The following FCGR3A variants were observed in gnomAD, a reference collection of about 807,000 sequenced individuals.
The protein encoded by FCGR3A is Fc gamma receptor IIIa, also known as low affinity immunoglobulin gamma Fc region receptor III-A.
A neutral mutation model predicts 24.1 loss-of-function variants in FCGR3A; 13 were observed. The observed-to-expected ratio is 0.54, with a 90% CI of 0.35 to 0.86. The LOEUF (loss-of-function observed/expected upper bound fraction) is 0.86, where lower values mean the gene tolerates loss of function less well. FCGR3A is among the 40% of genes least tolerant of loss of function. The pLI is 0.01. For missense variants in FCGR3A, 235 were observed against 298.0 expected (o/e 0.79, Z 1.56); for synonymous variants, 93 against 112.2 (o/e 0.83, Z 1.08).
At position 161,541,933 on chromosome 1, in the gene FCGR3A, A is replaced by T. The variant is rs1213957675; in HGVS notation, c.*1079T>A. ...CAATTGTCTTCTCCATCCCCACCTC[A>T]TTGGAACTGACATGATGAAGGATTT... On this transcript the variant is annotated 3_prime_UTR_variant, in exon 5 of 5. Transcript: ENST00000443193. 1 of 152,206 alleles carries T rather than the reference A, an allele frequency of 6.6e-6. No homozygotes were observed. The highest frequency in any genetic ancestry group is 1.9e-4 in the East Asian group (1 of 5,336). 9.4% of individuals were successfully genotyped at this position (152,206 alleles called of 1,614,324 possible).
chr1:161,544,984 C>G, intron 3 of FCGR3A, 26 bp from the exon 4 acceptor site: 1 of 1,596,468 alleles, frequency 6.3e-7, no homozygotes, highest in Non-Finnish European at 8.6e-7. Flanking sequence ...ACCCCAGGCC[C>G]GGGAGGCCTC....
chr1:161,549,568 A>G (rs1440980595), intron 1 of FCGR3A, 129 bp downstream of exon 1: 1 of 1,476,580 alleles, frequency 6.8e-7, no homozygotes, highest in African/African-American at 1.4e-5. Context: ...TAGGAGCTCA[A>G]TCCACAGCTA....
rs371773367 is a variant in FCGR3A at position 161,549,705 on chromosome 1, A to G, written c.32T>C (p.Leu11Pro). 2.5e-6 allele frequency: 4 copies of G among 1,613,768 alleles called. No homozygotes were observed. The African/African-American group carries it at 4.0e-5, about 16-fold the overall frequency. Residue 11 changes from leucine to proline, a missense_variant, in exon 1 of 5, where the codon CTA becomes CCA. Coordinates refer to ENST00000443193, the MANE Select transcript of FCGR3A (RefSeq NM_000569.8). MWQLLLPTAL[L>P]LLVSAGMRTE... ...GGGAGACCCTGACTTACCTAGAAGT[A>G]GCAGAGCAGTTGGGAGGAGCAGCTG...
chr1:161,548,275 A>G, intron 3 of FCGR3A, 146 bp downstream of exon 3: 6 of 1,425,104 alleles, frequency 4.2e-6, no homozygotes, highest in Non-Finnish European at 5.8e-6. Context: ...CTAGGACTAC[A>G]ACTCTGATAC....
chr1:161,549,964 G>T, upstream of FCGR3A: 1 of 1,183,504 alleles, frequency 8.4e-7, no homozygotes, highest in Non-Finnish European at 1.2e-6. Flanking sequence ...GGCAAGGTGG[G>T]TGGGTCTGCC....
In FCGR3A at chr1:161,544,867, A is replaced by C. The variant is rs1677312963; in HGVS notation, c.411T>G (p.His137Gln). Reference protein sequence around the residue: ...RCHSWKNTALHKVTYLQNGKG... With the variant: ...RCHSWKNTALQKVTYLQNGKG... ...TGCCATTCTGTAAATATGTGACCTT[A>C]TGCAGAGCAGTGTTCTTCCAGCTGT... The change falls in exon 4 of 5, where the codon CAT becomes CAG. Residue 137 changes from histidine (H) to glutamine (Q), a missense_variant. By Grantham distance (24) the His-to-Gln change is conservative. Transcript: ENST00000443193. 1 of 1,613,854 alleles carries C rather than the reference A, an allele frequency of 6.2e-7. No homozygotes were observed. The highest frequency in any genetic ancestry group is 8.5e-7 in the Non-Finnish European group (1 of 1,179,872).
In FCGR3A at chr1:161,542,833, A is replaced by G; in HGVS notation, c.*179T>C. On this transcript the variant is annotated 3_prime_UTR_variant, in exon 5 of 5. Coordinates refer to ENST00000443193, the MANE Select transcript of FCGR3A (RefSeq NM_000569.8). ...ACTGGGGCTTCCCTGCTTGAAGATC[A>G]TGGGCTTTTCCCTTCCACTGGAGAC... 1.9e-6 allele frequency: 1 copy of G among 529,988 alleles called. No individual in the cohort carries two copies. Among genetic ancestry groups the G allele is most frequent in the Non-Finnish European group, 3.4e-6 (1 of 295,868 alleles). The allele number at this position is 529,988 out of a possible 1,614,324, so 32.8% of individuals were successfully genotyped here. A position where few individuals can be genotyped will look rare whatever the true frequency, so the allele number is the denominator to read the frequency against.
At chr1:161,549,623 T>C in intron 1 of FCGR3A, 74 bp downstream of exon 1, 2 of 1,592,516 alleles carry the variant, frequency 1.3e-6, no homozygotes, top group South Asian at 1.1e-5. Flanking sequence ...GTCTCATTCG[T>C]AGCCTGAAAA....
Position 161,548,945 on chromosome 1 carries a change from T to A in FCGR3A, c.61+66A>T. The A allele has an allele frequency of 5.1e-6, 8 of 1,557,440 alleles. 1 individual carries two copies. The highest frequency in any genetic ancestry group is 7.1e-6 in the Non-Finnish European group (8 of 1,130,360). On this transcript the variant is annotated intron_variant, in intron 2 of 4. Coordinates refer to ENST00000443193, the MANE Select transcript of FCGR3A (RefSeq NM_000569.8). ...TTCCCATTCAACAAGCATTTCCCAA[T>A]ATCTTATGGCCTTTGTCCCCATATG...
intron 4 of FCGR3A, 132 bp from the exon 5 acceptor site, chr1:161,543,331 C>T (rs10800581): frequency 9.4e-7 from 1 of 1,067,610 alleles, no homozygotes; most frequent in African/African-American, 1.6e-5. Context: ...GTGGGGAAGT[C>T]TGGGGGAAAG....
chr1:161,543,379 T>C (rs1476726358), intron 4 of FCGR3A, among the ~76,000 whole-genome samples, 180 bp from the exon 5 acceptor site: 1 of 152,122 alleles, frequency 6.6e-6, no homozygotes, highest in Non-Finnish European at 1.5e-5. Flanking sequence ...CTTAGTGCTA[T>C]CTGAGCAGAG....
At chr1:161,548,772 T>A in intron 2 of FCGR3A, 94 bp from the exon 3 acceptor site, 1 of 1,584,558 alleles carries the variant, frequency 6.3e-7, no homozygotes, top group Non-Finnish European at 8.6e-7. Flanking sequence ...ATGAGCTCAT[T>A]GCAAACCCAT....
At chr1:161,549,100 G>A in intron 1 of FCGR3A, 69 bp from the exon 2 acceptor site, 2 of 1,368,576 alleles carry the variant, frequency 1.5e-6, no homozygotes, top group Non-Finnish European at 1.0e-6. Flanking sequence ...CATAGAGTGA[G>A]TTTAAAACTC....
At chr1:161,545,506 G>C (rs1222831648) in intron 3 of FCGR3A, 1 of 155,160 alleles carries the variant, frequency 6.4e-6, no homozygotes, top group Non-Finnish European at 1.4e-5. Context: ...GAGGGGAAGG[G>C]CGGGACTGGT....
At chr1:161,549,148 A>G (rs1677619124) in intron 1 of FCGR3A, 117 bp from the exon 2 acceptor site, 1 of 835,496 alleles carries the variant, frequency 1.2e-6, no homozygotes, top group Non-Finnish European at 2.0e-6. Context: ...AATTTTCCCA[A>G]GAATCAGGAT....
chr1:161,545,027 C>T lies in FCGR3A; in HGVS notation c.320-69G>A, dbSNP rs531830190. 1,132 of 1,577,882 alleles carry T rather than the reference C, an allele frequency of 7.2e-4. 3 individuals carry two copies. Among genetic ancestry groups the T allele is most frequent in the Non-Finnish European group, 6.8e-4 (790 of 1,159,820 alleles). On this transcript the variant is annotated intron_variant, in intron 3 of 4. Coordinates refer to ENST00000443193, the MANE Select transcript of FCGR3A (RefSeq NM_000569.8). ...AGTGCAGAGCTTTGTGAAGGGGCCA[C>T]GTACCACCCAGATCCTGAGACATAA...
intron 3 of FCGR3A, chr1:161,545,418 T>C (rs1677342411): frequency 6.2e-6 from 1 of 161,412 alleles, no homozygotes; most frequent in South Asian, 1.7e-4. Context: ...AAGACTCTTG[T>C]GGCAGTCAGG....
chr1:161,543,132 C>T lies in FCGR3A; in HGVS notation c.645G>A (p.Met215Ile). Residue 215 changes from methionine to isoleucine, a missense_variant, in exon 5 of 5, where the codon ATG (methionine) becomes ATA (isoleucine). Met to Ile is a conservative substitution (Grantham distance 10). Coordinates refer to ENST00000443193, the MANE Select transcript of FCGR3A (RefSeq NM_000569.8). Reference protein sequence around the residue: ...PGYQVSFCLVMVLLFAVDTGL... With the variant: ...PGYQVSFCLVIVLLFAVDTGL... ...CTGTGTCCACTGCAAAAAGGAGTAC[C>T]ATCACCAAGCAGAAAGAGACTTGGT... 6.2e-7 allele frequency: 1 copy of T among 1,613,272 alleles called. No individual in the cohort carries two copies. The highest frequency in any genetic ancestry group is 1.7e-5 in the Admixed American group (1 of 59,924).
At chr1:161,549,837 C>G (rs766709218), upstream of FCGR3A, 2 of 1,613,152 alleles carry the variant, frequency 1.2e-6, no homozygotes, top group Non-Finnish European at 1.7e-6. Context: ...CCCAGCCCCT[C>G]CACCCATCTC....
Sources: allele counts gnomAD v4.1 joint callset (sites outside exome capture counted in the v4.1 genomes callset), GRCh38; gene constraint gnomAD v4.1.1; transcripts MANE v1.5; gene names NCBI Gene and HGNC (gene_info 2026-07-23, HGNC 2026-07-21).